The following ALG9 variants were observed in gnomAD, a reference collection of about 807,000 sequenced individuals.
The protein encoded by ALG9 is alpha-1,2-mannosyltransferase ALG9.
A neutral mutation model predicts 81.8 loss-of-function variants in ALG9; 55 were observed. The observed-to-expected ratio is 0.67, with a 90% CI of 0.54 to 0.84. The LOEUF is 0.84. Among genes scored for constraint, ALG9 ranks in the 40% least tolerant of loss-of-function variants. The probability of loss-of-function intolerance (pLI) is 0.00; values close to 1 mark genes in which losing one functional copy is unlikely to be tolerated. For synonymous variants in ALG9, 278 were observed against 274.3 expected, an observed-to-expected ratio of 1.01 and a Z score of -0.13; for missense variants, 629 against 745.0, an observed-to-expected ratio of 0.84 and a Z score of 1.81.
intron 13 of ALG9, among the ~76,000 whole-genome samples, chr11:111,814,018 G>A (rs957486328): frequency 1.3e-5 from 2 of 152,124 alleles, no homozygotes; most frequent in East Asian, 3.8e-4. Context: ...TAATTCATAT[G>A]GTTCAACCTA....
the ALG9 span, chr11:111,769,008 T>G: frequency 6.7e-6 from 1 of 149,396 alleles, no homozygotes; most frequent in Non-Finnish European, 1.5e-5. Flanking sequence ...GGGATTCCTG[T>G]AGGCATTGAG....
intron 4 of ALG9, 131 bp from the exon 5 acceptor site, chr11:111,860,766 G>T: frequency 1.5e-6 from 1 of 687,908 alleles, no homozygotes; most frequent in Non-Finnish European, 2.5e-6. Flanking sequence ...TGTCAGGTTT[G>T]TTAGCAATTC....
intron 11 of ALG9, among the ~76,000 whole-genome samples, chr11:111,838,027 C>CA (rs1175831208): frequency 1.3e-4 from 20 of 152,090 alleles, no homozygotes; most frequent in Admixed American, 4.6e-4. Context: ...CAAAAATAGA[C>CA]AAAAAATGTA....
At chr11:111,803,804 T>G (rs1949507126) in intron 14 of ALG9, among the ~76,000 whole-genome samples, 1 of 151,794 alleles carries the variant, frequency 6.6e-6, no homozygotes, top group South Asian at 2.1e-4. Context: ...TCCACAAAAA[T>G]TAACTCAAAA....
intron 13 of ALG9, among the ~76,000 whole-genome samples, chr11:111,828,402 G>A (rs1179602529): frequency 2.0e-5 from 3 of 152,262 alleles, no homozygotes; most frequent in Admixed American, 2.0e-4. Context: ...CTTCTGCCTG[G>A]AAGAGTTTAA....
Position 111,871,341 on chromosome 11 carries a change from C to T in ALG9, c.131+11G>A. The stretch of plus-strand genomic sequence containing the variant: ...CCGGCCGGCCACGCCCCTGCCGCGC[C>T]GCACACGTACTCGGTCCGGTGCTCC... On this transcript the variant is annotated intron_variant, in intron 1 of 14. Coordinates refer to ENST00000616540, the MANE Select transcript of ALG9 (RefSeq NM_024740.2). The T allele has an allele frequency of 8.7e-6, 13 of 1,492,164 alleles. No individual in the cohort carries two copies. Among genetic ancestry groups the T allele is most frequent in the Non-Finnish European group, 6.2e-6 (7 of 1,127,958 alleles). The allele number at this position is 1,492,164 out of a possible 1,614,324, so 92.4% of individuals were successfully genotyped here. A position where few individuals can be genotyped will look rare whatever the true frequency, so the allele number is the denominator to read the frequency against.
chr11:111,773,400 A>G, the ALG9 span, among the ~76,000 whole-genome samples: 2 of 152,102 alleles, frequency 1.3e-5, no homozygotes, highest in Non-Finnish European at 2.9e-5. Context: ...ATGTGCCACC[A>G]TGCCTGGCTA....
chr11:111,836,403 A>C, intron 12 of ALG9, 109 bp from the exon 13 acceptor site: 1 of 1,446,934 alleles, frequency 6.9e-7, no homozygotes, highest in Non-Finnish European at 9.5e-7. Context: ...CTCTTGAAGA[A>C]AAAATATTTC....
At chr11:111,866,274 C>A (rs1311661986) in intron 3 of ALG9, among the ~76,000 whole-genome samples, 1 of 152,072 alleles carries the variant, frequency 6.6e-6, no homozygotes, top group African/African-American at 2.4e-5. Context: ...TCCAGCCTGG[C>A]GACAGAGTGA....
chr11:111,822,766 C>T (rs1357863516), intron 13 of ALG9, among the ~76,000 whole-genome samples: 1 of 151,670 alleles, frequency 6.6e-6, no homozygotes, highest in East Asian at 1.9e-4. Flanking sequence ...CTCACGCCTG[C>T]AATCCCAGCA....
intron 8 of ALG9, among the ~76,000 whole-genome samples, chr11:111,852,942 C>CAAAA (rs71461596): frequency 2.8e-5 from 3 of 106,184 alleles, no homozygotes; most frequent in Admixed American, 2.0e-4. Flanking sequence ...AACTCCACCT[C>CAAAA]AAAAAAAAAA....
intron 10 of ALG9, among the ~76,000 whole-genome samples, chr11:111,839,271 T>C (rs1216841811): frequency 6.6e-6 from 1 of 152,030 alleles, no homozygotes; most frequent in Admixed American, 6.6e-5. Flanking sequence ...GCACAGAGAA[T>C]GTTACAATAT....
chr11:111,788,360 A>G, intron 14 of ALG9: 1 of 452,944 alleles, frequency 2.2e-6, no homozygotes, highest in Admixed American at 2.4e-5. Context: ...GGGCTTTGAT[A>G]GAGAAAGGAG....
chr11:111,867,657 C>T (rs1278647977), intron 3 of ALG9, among the ~76,000 whole-genome samples: 1 of 152,116 alleles, frequency 6.6e-6, no homozygotes, highest in East Asian at 1.9e-4. Flanking sequence ...ATGTGAACAA[C>T]AGTTCATTCA....
intron 14 of ALG9, among the ~76,000 whole-genome samples, chr11:111,806,239 T>G (rs1949914870): frequency 6.6e-6 from 1 of 152,080 alleles, no homozygotes; most frequent in Admixed American, 6.6e-5. Context: ...TATAGCCCTA[T>G]TTCCCTGCTT....
chr11:111,789,018 TTC>T (rs1565575764), intron 14 of ALG9, among the ~76,000 whole-genome samples: 25 of 137,016 alleles, frequency 1.8e-4, no homozygotes, highest in East Asian at 2.9e-4. Flanking sequence ...TTTTTTTTTT[TTC>T]CCCCAAGAGA....
the ALG9 span, among the ~76,000 whole-genome samples, chr11:111,774,286 G>T: frequency 1.3e-5 from 2 of 152,042 alleles, no homozygotes; most frequent in African/African-American, 4.8e-5. Flanking sequence ...TGAGGCAGGA[G>T]AATTGCTTGA....
intron 14 of ALG9, among the ~76,000 whole-genome samples, chr11:111,791,174 T>G (rs782459904): frequency 6.6e-6 from 1 of 152,238 alleles, no homozygotes; most frequent in African/African-American, 2.4e-5. Context: ...GCCTACTATA[T>G]GTAAGCATTT....
intron 8 of ALG9, chr11:111,849,786 T>A (rs1169367523): frequency 6.6e-6 from 1 of 152,248 alleles, no homozygotes; most frequent in Non-Finnish European, 1.5e-5. Context: ...GTTCCATCCA[T>A]GTCCCTGCAA....
Sources: allele counts gnomAD v4.1 joint callset (sites outside exome capture counted in the v4.1 genomes callset), GRCh38; gene constraint gnomAD v4.1.1; transcripts MANE v1.5; gene names NCBI Gene and HGNC (gene_info 2026-07-23, HGNC 2026-07-21).